The following EHF variants were observed in gnomAD, a reference collection of about 807,000 sequenced individuals.
EHF encodes ETS homologous factor.
In EHF, 14 loss-of-function variants were observed where a neutral mutation model predicts 45.1. The observed-to-expected ratio is 0.31, with a 90% CI of 0.21 to 0.49. The LOEUF is 0.49. EHF is among the 20% of genes least tolerant of loss of function. The probability of loss-of-function intolerance (pLI) is 0.99; values close to 1 mark genes in which losing one functional copy is unlikely to be tolerated. For synonymous variants in EHF, 136 were observed against 131.8 expected, an observed-to-expected ratio of 1.03 and a Z score of -0.22; for missense variants, 282 against 371.4, an observed-to-expected ratio of 0.76 and a Z score of 1.98.
chr11:34,636,562 A>G (rs954839821), intron 1 of EHF, among the ~76,000 whole-genome samples: 3 of 152,264 alleles, frequency 2.0e-5, no homozygotes, highest in African/African-American at 4.8e-5. Context: ...AATCTCATTT[A>G]GTCCTCATAT....
intron 6 of EHF, among the ~76,000 whole-genome samples, chr11:34,654,566 C>T (rs1034977576): frequency 4.6e-5 from 7 of 152,118 alleles, no homozygotes; most frequent in African/African-American, 9.7e-5. Flanking sequence ...AAAAAAAGAA[C>T]GTTCCTAGCT....
intron 1 of EHF, among the ~76,000 whole-genome samples, chr11:34,624,759 G>T (rs1852225420): frequency 2.0e-5 from 3 of 152,130 alleles, no homozygotes; most frequent in Non-Finnish European, 4.4e-5. Context: ...TTCAGAGGGG[G>T]GTGGAAATAT....
rs1048079771 is a variant in EHF, at chr11:34,651,837, G to A, written c.544+32G>A. On this transcript the variant is annotated intron_variant, in intron 6 of 8. Coordinates refer to ENST00000257831, the MANE Select transcript of EHF (RefSeq NM_012153.6). ...TGTCATCACATCTGAGGCTGGGTATGCCTAATGCTTAGGGAGAATCAGTGG... is the reference window on the plus strand; with the variant it reads ...TGTCATCACATCTGAGGCTGGGTATACCTAATGCTTAGGGAGAATCAGTGG... 4.4e-6 allele frequency: 7 copies of A among 1,595,540 alleles called. No individual in the cohort carries two copies. The African/African-American group carries it at 9.4e-5, about 21-fold the overall frequency.
chr11:34,652,034 C>T (rs1053168037), intron 6 of EHF, among the ~76,000 whole-genome samples: 2 of 152,200 alleles, frequency 1.3e-5, no homozygotes, highest in Non-Finnish European at 2.9e-5. Context: ...AAACTAGTCA[C>T]TCTGTTGTGA....
chr11:34,660,025 G>T lies in EHF; in HGVS notation c.*1094G>T, dbSNP rs1477652811. 6.6e-6 allele frequency: 1 copy of T among 152,114 alleles called. No individual in the cohort carries two copies. Among genetic ancestry groups the T allele is most frequent in the Non-Finnish European group, 1.5e-5 (1 of 68,012 alleles). 9.4% of individuals were successfully genotyped at this position (152,114 alleles called of 1,614,324 possible). On this transcript the variant is annotated 3_prime_UTR_variant, in exon 9 of 9. Coordinates refer to ENST00000257831, the MANE Select transcript of EHF (RefSeq NM_012153.6). Reference sequence around the variant, plus strand: ...CCACCAGTTTAGCTAGTCAATATGAGGATGGTGGTTTATTCTCAGAAGAAA... The same window carrying T: ...CCACCAGTTTAGCTAGTCAATATGATGATGGTGGTTTATTCTCAGAAGAAA...
At chr11:34,656,763 T>C in intron 6 of EHF, 145 bp from the exon 7 acceptor site, 2 of 792,634 alleles carry the variant, frequency 2.5e-6, no homozygotes, top group Non-Finnish European at 3.9e-6. Context: ...ATCATCTCTG[T>C]TTTGTTTGGT....
Position 34,662,044 on chromosome 11 carries a change from T to G in EHF, c.*3113T>G, listed in dbSNP as rs1856117437. Among the ~76,000 whole-genome samples, 1 of 152,246 alleles carries G rather than the reference T, an allele frequency of 6.6e-6. No individual in the cohort carries two copies. The highest frequency in any genetic ancestry group is 2.1e-4 in the South Asian group (1 of 4,824). ...GAGACCCAGGTTGTGAGTTTTCCTTTGAACACATTGGTCTTTTCTCAAAGT... is the reference window on the plus strand; with the variant it reads ...GAGACCCAGGTTGTGAGTTTTCCTTGGAACACATTGGTCTTTTCTCAAAGT... On this transcript the variant is annotated 3_prime_UTR_variant, in exon 9 of 9. Transcript: ENST00000257831.
chr11:34,628,773 G>A (rs759510968), intron 1 of EHF, among the ~76,000 whole-genome samples: 7 of 152,118 alleles, frequency 4.6e-5, no homozygotes, highest in Non-Finnish European at 7.3e-5. Context: ...GCCCACCCAC[G>A]GTAATGAAAC....
chr11:34,651,543 G>A lies in EHF; in HGVS notation c.408G>A (p.Glu136=). 1.2e-6 allele frequency: 2 copies of A among 1,613,016 alleles called. No homozygotes were observed. The highest frequency in any genetic ancestry group is 1.7e-6 in the Non-Finnish European group (2 of 1,179,236). ...HNVIVKTEQT[E]PSIMNTWKDE... ...ATTCTCCTTCTCTATTTTTTGTAGA[G>A]CCTTCCATCATGAACACCTGGAAAG... Residue 136 remains glutamate (E), a splice_region_variant and synonymous_variant, in exon 5 of 9, where the codon GAG becomes GAA. Coordinates refer to ENST00000257831, the MANE Select transcript of EHF (RefSeq NM_012153.6).
At chr11:34,643,726 G>A (rs1393479917) in intron 2 of EHF, among the ~76,000 whole-genome samples, 6 of 152,102 alleles carry the variant, frequency 3.9e-5, no homozygotes, top group Non-Finnish European at 8.8e-5. Context: ...GCACTTTCTG[G>A]GCAGTTGCAT....
intron 2 of EHF, 89 bp from the exon 3 acceptor site, chr11:34,646,350 T>C: frequency 1.9e-6 from 3 of 1,576,308 alleles, no homozygotes; most frequent in Non-Finnish European, 1.7e-6. Flanking sequence ...GTCTCTGAGA[T>C]ATCTGGCAGC....
Position 34,662,960 on chromosome 11 carries a change from T to C in EHF, c.*4029T>C, listed in dbSNP as rs1856177004. ...TCTGGAACTAGAGATAGAGCATTTA[T>C]TAAAAAAAACTCCTGTTGAGACTGT... On this transcript the variant is annotated 3_prime_UTR_variant, in exon 9 of 9. Coordinates refer to ENST00000257831, the MANE Select transcript of EHF (RefSeq NM_012153.6). 6.6e-6 allele frequency among the ~76,000 whole-genome samples: 1 copy of C among 152,100 alleles called. No individual in the cohort carries two copies. Among genetic ancestry groups the C allele is most frequent in the Admixed American group, 6.6e-5 (1 of 15,260 alleles).
intron 1 of EHF, chr11:34,631,496 G>A (rs1852886641): frequency 1.2e-6 from 1 of 848,546 alleles, no homozygotes; most frequent in Non-Finnish European, 1.4e-6. Context: ...AAATTAATGA[G>A]AAGTGAGCAT....
chr11:34,657,200 T>C (rs1855752367), intron 7 of EHF, among the ~76,000 whole-genome samples: 2 of 152,190 alleles, frequency 1.3e-5, no homozygotes, highest in South Asian at 4.1e-4. Context: ...TTCTGTCATA[T>C]GTGCTCTAAA....
chr11:34,651,185 G>C (rs1423794213), intron 4 of EHF, among the ~76,000 whole-genome samples: 1 of 151,292 alleles, frequency 6.6e-6, no homozygotes, highest in Admixed American at 6.6e-5. Flanking sequence ...CACACTCTAG[G>C]GTAAAAATAT....
intron 1 of EHF, among the ~76,000 whole-genome samples, chr11:34,632,841 G>T (rs528637295): frequency 6.6e-6 from 1 of 152,184 alleles, no homozygotes; most frequent in East Asian, 1.9e-4. Context: ...CTATTGTATC[G>T]CCAGCACCTA....
chr11:34,642,157 G>C (rs901119408), intron 1 of EHF: 1 of 161,488 alleles, frequency 6.2e-6, no homozygotes, highest in Non-Finnish European at 1.4e-5. Flanking sequence ...CTTGTTACTG[G>C]GTGTGCAGGT....
At chr11:34,647,621 C>T (rs1854695843) in intron 3 of EHF, among the ~76,000 whole-genome samples, 1 of 152,192 alleles carries the variant, frequency 6.6e-6, no homozygotes, top group South Asian at 2.1e-4. Context: ...CTTGGTAGAA[C>T]CCATGTTTGG....
chr11:34,630,686 A>ACTTT (rs1554954360), intron 1 of EHF, among the ~76,000 whole-genome samples: 1 of 151,826 alleles, frequency 6.6e-6, no homozygotes, highest in Non-Finnish European at 1.5e-5. Flanking sequence ...GGTCTTATTT[A>ACTTT]TCAGTCAACT....
Sources: allele counts gnomAD v4.1 joint callset (sites outside exome capture counted in the v4.1 genomes callset), GRCh38; gene constraint gnomAD v4.1.1; transcripts MANE v1.5; gene names NCBI Gene and HGNC (gene_info 2026-07-23, HGNC 2026-07-21).